Variants in BCAS3 observed in about 807,000 individuals in gnomAD.
The protein encoded by BCAS3 is BCAS4/BCAS3 fusion.
Under a neutral mutation model 116.1 loss-of-function variants are expected in BCAS3, and 53 were observed. The ratio of observed to expected loss-of-function variants is 0.46; its 90% CI spans 0.37 to 0.57. The LOEUF is 0.57. Ranked by LOEUF, BCAS3 falls within the 20% of genes least tolerant of loss-of-function variation. BCAS3 has a pLI of 0.00. For synonymous variants in BCAS3, 391 were observed against 408.2 expected (o/e 0.96, Z 0.51); for missense variants, 917 against 1,165.4 (o/e 0.79, Z 3.10).
intron 17 of BCAS3, among the ~76,000 whole-genome samples, chr17:61,035,620 G>T (rs1231730619): frequency 6.7e-6 from 1 of 149,648 alleles, no homozygotes; most frequent in Non-Finnish European, 1.5e-5. Context: ...CAGCCTGCCA[G>T]TGAGAAATAA....
chr17:60,935,042 T>G (rs1351368458), intron 13 of BCAS3, among the ~76,000 whole-genome samples: 2 of 152,076 alleles, frequency 1.3e-5, no homozygotes, highest in Non-Finnish European at 2.9e-5. Context: ...CCCGTAGCTG[T>G]AATCCCAGCT....
chr17:61,247,796 C>A (rs1014404159), intron 22 of BCAS3, among the ~76,000 whole-genome samples: 1 of 152,198 alleles, frequency 6.6e-6, no homozygotes, highest in Non-Finnish European at 1.5e-5. Flanking sequence ...TTTCTCCTAT[C>A]TACCATCAGG....
intron 6 of BCAS3, among the ~76,000 whole-genome samples, chr17:60,791,305 G>A (rs1341590120): frequency 6.6e-6 from 1 of 152,074 alleles, no homozygotes; most frequent in East Asian, 1.9e-4. Context: ...TCCTTCTTTG[G>A]ATTAGACCTC....
At position 61,028,753 on chromosome 17, in the gene BCAS3, G is replaced by A. The variant is rs1441964444; in HGVS notation, c.1638-5913G>A. 6.6e-6 allele frequency among the ~76,000 whole-genome samples: 1 copy of A among 151,870 alleles called. No individual in the cohort carries two copies. The highest frequency in any genetic ancestry group is 1.5e-5 in the Non-Finnish European group (1 of 67,806). On this transcript the variant is annotated intron_variant, in intron 16 of 23. Transcript: ENST00000407086. The surrounding 1 kb of genome is among the most constrained non-coding windows in gnomAD (Gnocchi z 4.3). ...AGAAAGGGATATATTAAATATAGTA[G>A]ACTTTTAAATCATTGCCTGTCTTTT...
At chr17:61,283,295 A>G (rs1266829135) in intron 22 of BCAS3, among the ~76,000 whole-genome samples, 5 of 152,192 alleles carry the variant, frequency 3.3e-5, no homozygotes, top group Non-Finnish European at 7.3e-5. Context: ...TCCACCAGAC[A>G]TTAAGCACCC....
chr17:61,195,543 C>CTT (rs112302026), intron 22 of BCAS3, among the ~76,000 whole-genome samples: 217 of 81,388 alleles, frequency 2.7e-3, no homozygotes, highest in Admixed American at 5.9e-3. Flanking sequence ...CTTTTTCTTT[C>CTT]TTTTTTTTTT....
intron 7 of BCAS3, among the ~76,000 whole-genome samples, chr17:60,827,266 T>C (rs1351683152): frequency 6.6e-6 from 1 of 152,228 alleles, no homozygotes; most frequent in Non-Finnish European, 1.5e-5. Flanking sequence ...ATGTTAGGTG[T>C]GCCTCATACT....
chr17:60,783,190 A>T (rs1168895107), intron 6 of BCAS3, among the ~76,000 whole-genome samples: 3 of 152,060 alleles, frequency 2.0e-5, no homozygotes, highest in South Asian at 2.1e-4. Context: ...TTCAATCAAC[A>T]GTTTGTTTGT....
rs1442551232 is a variant in BCAS3 at position 61,204,841 on chromosome 17, C to T, written c.2425+120277C>T. Among the ~76,000 whole-genome samples, 3 of 152,090 alleles carry T rather than the reference C, an allele frequency of 2.0e-5. No homozygotes were observed. The highest frequency in any genetic ancestry group is 4.4e-5 in the Non-Finnish European group (3 of 68,022). ...CTGAGGCACGCAGATCAGTTGAGGC[C>T]AGGAGTTCGAGACCAGCCTGGGCAA... On this transcript the variant is annotated intron_variant, in intron 22 of 23. Transcript: ENST00000407086. The surrounding 1 kb of genome is among the most constrained non-coding windows in gnomAD (Gnocchi z 4.2).
chr17:60,763,395 T>C (rs1368833816), intron 6 of BCAS3, among the ~76,000 whole-genome samples: 2 of 152,234 alleles, frequency 1.3e-5, no homozygotes, highest in Admixed American at 1.3e-4. Context: ...ATTGAGAGTT[T>C]TTAGCATGAA....
At chr17:60,983,286 T>G (rs2062924409) in intron 14 of BCAS3, among the ~76,000 whole-genome samples, 1 of 152,154 alleles carries the variant, frequency 6.6e-6, no homozygotes. Context: ...GGTCCAAAAA[T>G]CATGCAGATA....
chr17:61,092,192 T>A (rs1414593419), intron 22 of BCAS3, among the ~76,000 whole-genome samples: 4 of 152,260 alleles, frequency 2.6e-5, no homozygotes, highest in Non-Finnish European at 4.4e-5. Flanking sequence ...AATCACTAGT[T>A]CATTTTTAAT....
At chr17:61,055,628 G>A (rs748649491) in intron 19 of BCAS3, among the ~76,000 whole-genome samples, 8 of 152,170 alleles carry the variant, frequency 5.3e-5, no homozygotes, top group Non-Finnish European at 1.0e-4. Context: ...ACAATGGGAC[G>A]TCTGGTAGTC....
chr17:60,955,341 G>A (rs768650176), intron 14 of BCAS3, among the ~76,000 whole-genome samples: 10 of 150,596 alleles, frequency 6.6e-5, no homozygotes, highest in Non-Finnish European at 1.5e-4. Flanking sequence ...TGGTTTCACT[G>A]ATTGTCCCAG....
intron 22 of BCAS3, among the ~76,000 whole-genome samples, chr17:61,121,754 G>A (rs1037139164): frequency 1.9e-4 from 29 of 152,150 alleles, no homozygotes; most frequent in African/African-American, 7.0e-4. Context: ...TGTGTGAGAC[G>A]GAGTCTTGCC....
chr17:61,247,799 C>T (rs1400865495), intron 22 of BCAS3, among the ~76,000 whole-genome samples: 3 of 152,210 alleles, frequency 2.0e-5, no homozygotes, highest in Admixed American at 1.3e-4. Context: ...CTCCTATCTA[C>T]CATCAGGCCC....
At position 61,023,051 on chromosome 17, in the gene BCAS3, A is replaced by G. The variant is rs1391377822; in HGVS notation, c.1637+7150A>G. 2.0e-5 allele frequency among the ~76,000 whole-genome samples: 3 copies of G among 152,254 alleles called. No individual in the cohort carries two copies. ...TTCCCCTACAGATCAATAGTTTACT[A>G]CCAGTAATACGATAGGTCTCTTTGG... On this transcript the variant is annotated intron_variant, in intron 16 of 23. Coordinates refer to ENST00000407086, the MANE Select transcript of BCAS3 (RefSeq NM_017679.5). The surrounding 1 kb of genome is among the most constrained non-coding windows in gnomAD (Gnocchi z 4.8).
At chr17:61,058,729 G>A (rs2069653708) in intron 19 of BCAS3, among the ~76,000 whole-genome samples, 1 of 152,036 alleles carries the variant, frequency 6.6e-6, no homozygotes, top group African/African-American at 2.4e-5. Flanking sequence ...CACAGTATAG[G>A]TATCTCTGAT....
rs1376023011 is a variant in BCAS3 at position 61,038,059 on chromosome 17, T to G, written c.1928+5T>G. 1 of 1,607,454 alleles carries G rather than the reference T, an allele frequency of 6.2e-7. No individual in the cohort carries two copies. The highest frequency in any genetic ancestry group is 8.5e-7 in the Non-Finnish European group (1 of 1,177,866). ...AGCCAGCTGGACTCTGGTTAGGTAG[T>G]ACCTCTTTTCTTTTTTTCTTTTTAA... On this transcript the variant is annotated splice_donor_5th_base_variant and intron_variant, in intron 18 of 23. Coordinates refer to ENST00000407086, the MANE Select transcript of BCAS3 (RefSeq NM_017679.5).
Sources: allele counts gnomAD v4.1 joint callset (sites outside exome capture counted in the v4.1 genomes callset), GRCh38; gene constraint gnomAD v4.1.1; non-coding constraint Gnocchi (gnomAD v3.1); transcripts MANE v1.5; gene names NCBI Gene and HGNC (gene_info 2026-07-23, HGNC 2026-07-21).